DGKB: variants seen among roughly 807,000 people sequenced by gnomAD.
The protein encoded by DGKB is diacylglycerol kinase beta.
DGKB carries 67 observed loss-of-function variants against 114.3 expected under a neutral mutation model. The ratio of observed to expected loss-of-function variants is 0.59; its 90% CI spans 0.48 to 0.72. The LOEUF is 0.72. Ranked by LOEUF, DGKB falls within the 30% of genes least tolerant of loss-of-function variation. DGKB has a pLI of 0.00. For synonymous variants in DGKB, 398 were observed against 323.1 expected, an observed-to-expected ratio of 1.23 and a Z score of -2.49; for missense variants, 907 against 975.2, an observed-to-expected ratio of 0.93 and a Z score of 0.93.
Position 14,478,230 on chromosome 7 carries a change from G to A in DGKB, c.1771-5C>T. The A allele has an allele frequency of 1.3e-6, 2 of 1,572,704 alleles. No individual in the cohort carries two copies. Among genetic ancestry groups the A allele is most frequent in the Non-Finnish European group, 1.7e-6 (2 of 1,155,190 alleles). On this transcript the variant is annotated splice_polypyrimidine_tract_variant and splice_region_variant and intron_variant, in intron 20 of 25. Transcript: ENST00000402815. ...TCTGTGTGCAATGGAGGCATCCTAA[G>A]GGGAGAAAATAGAAAACAAAAACAG...
chr7:14,878,878 T>A (rs149099115), intron 1 of DGKB, among the ~76,000 whole-genome samples: 1,865 of 149,652 alleles, frequency 0.012, 29 homozygotes, highest in Admixed American at 0.018. Context: ...TTGCAAATCT[T>A]GCATATGTTT....
At chr7:14,301,332 C>T (rs1803509354) in intron 23 of DGKB, among the ~76,000 whole-genome samples, 1 of 152,022 alleles carries the variant, frequency 6.6e-6, no homozygotes, top group Non-Finnish European at 1.5e-5. Flanking sequence ...ATTGGTGTCT[C>T]TATCTTTTCT....
intron 2 of DGKB, among the ~76,000 whole-genome samples, chr7:14,769,675 C>G (rs529895517): frequency 1.2e-4 from 19 of 152,130 alleles, no homozygotes; most frequent in Admixed American, 7.9e-4. Context: ...ATTCTGGAGG[C>G]CAGAGGTCTG....
At chr7:14,226,041 T>G (rs940522150) in intron 23 of DGKB, among the ~76,000 whole-genome samples, 2 of 151,990 alleles carry the variant, frequency 1.3e-5, no homozygotes, top group African/African-American at 4.8e-5. Context: ...ATTTGAAATA[T>G]CTGAAGGTCA....
intron 23 of DGKB, among the ~76,000 whole-genome samples, chr7:14,287,040 C>G (rs1395492506): frequency 6.6e-6 from 1 of 152,054 alleles, no homozygotes; most frequent in African/African-American, 2.4e-5. Flanking sequence ...GGGGGAAAAG[C>G]AGGCCCATGT....
chr7:14,551,853 T>A (rs1048717424), intron 20 of DGKB, among the ~76,000 whole-genome samples: 1 of 152,134 alleles, frequency 6.6e-6, no homozygotes, highest in Admixed American at 6.5e-5. Flanking sequence ...AAACACTAAG[T>A]CATATTACTA....
intron 4 of DGKB, among the ~76,000 whole-genome samples, chr7:14,747,439 C>T (rs1004829321): frequency 6.6e-6 from 1 of 151,784 alleles, no homozygotes; most frequent in African/African-American, 2.4e-5. Context: ...CTGGTTAACC[C>T]GTCCCTTTTC....
At chr7:14,415,096 T>A (rs1825501722) in intron 21 of DGKB, among the ~76,000 whole-genome samples, 1 of 151,780 alleles carries the variant, frequency 6.6e-6, no homozygotes, top group Non-Finnish European at 1.5e-5. Flanking sequence ...TATAAGCATA[T>A]GAAATAATGA....
chr7:14,472,381 G>A (rs746958509), intron 21 of DGKB, among the ~76,000 whole-genome samples: 2 of 152,122 alleles, frequency 1.3e-5, no homozygotes, highest in Non-Finnish European at 2.9e-5. Flanking sequence ...CACCATCCAC[G>A]TACAATGTGA....
At chr7:14,965,526 A>C (rs963183243) in intron 1 of DGKB, among the ~76,000 whole-genome samples, 1 of 152,142 alleles carries the variant, frequency 6.6e-6, no homozygotes, top group Non-Finnish European at 1.5e-5. Flanking sequence ...CAAGTTTTAG[A>C]ATATTAAACA....
chr7:14,767,748 A>C (rs1231499911), intron 2 of DGKB, among the ~76,000 whole-genome samples: 2 of 151,956 alleles, frequency 1.3e-5, no homozygotes, highest in African/African-American at 4.8e-5. Flanking sequence ...TATGTGTGTA[A>C]ATCAAAATGT....
At chr7:14,790,337 C>T (rs957454725) in intron 2 of DGKB, among the ~76,000 whole-genome samples, 4 of 152,054 alleles carry the variant, frequency 2.6e-5, no homozygotes, top group Non-Finnish European at 5.9e-5. Context: ...ATTGCACTTT[C>T]AATATCAAGT....
intron 23 of DGKB, among the ~76,000 whole-genome samples, chr7:14,257,775 G>A (rs1420807576): frequency 6.6e-6 from 1 of 152,104 alleles, no homozygotes; most frequent in Non-Finnish European, 1.5e-5. Context: ...TGCCCAGGCT[G>A]GAGTGCAATG....
intron 13 of DGKB, among the ~76,000 whole-genome samples, chr7:14,660,956 G>C (rs1816937705): frequency 6.6e-6 from 1 of 150,426 alleles, no homozygotes; most frequent in African/African-American, 2.4e-5. Flanking sequence ...AATGGGGAAA[G>C]GATTCCCTAT....
chr7:14,594,418 A>C (rs1802206092), intron 17 of DGKB, among the ~76,000 whole-genome samples: 1 of 152,108 alleles, frequency 6.6e-6, no homozygotes, highest in African/African-American at 2.4e-5. Context: ...GAGAATTGAC[A>C]GACAATTCTG....
At chr7:14,814,422 C>T (rs1047732205) in intron 2 of DGKB, among the ~76,000 whole-genome samples, 2 of 152,170 alleles carry the variant, frequency 1.3e-5, no homozygotes, top group African/African-American at 4.8e-5. Context: ...CCTCTCCCTT[C>T]TTGCTGTATG....
intron 13 of DGKB, among the ~76,000 whole-genome samples, chr7:14,667,555 C>A (rs1200158536): frequency 6.6e-6 from 1 of 151,984 alleles, no homozygotes; most frequent in African/African-American, 2.4e-5. Context: ...CATACAATTT[C>A]TTAAAGAGGA....
chr7:14,698,133 C>A lies in DGKB; in HGVS notation c.553G>T (p.Ala185Ser). ...ENIISQMMHV[A>S]EYLEWDVTEL... ...GTGACATCCCACTCAAGGTATTCTG[C>A]AACATGCATCATCTGACTGATGATA... The change falls in exon 8 of 26, where the codon GCA becomes TCA. Residue 185 changes from alanine (A) to serine (S), a missense_variant. By Grantham distance (99) the Ala-to-Ser change is moderately conservative. Transcript: ENST00000402815. The A allele has an allele frequency of 6.5e-7, 1 of 1,537,568 alleles. No individual in the cohort carries two copies. Among genetic ancestry groups the A allele is most frequent in the Non-Finnish European group, 8.7e-7 (1 of 1,146,248 alleles).
intron 16 of DGKB, among the ~76,000 whole-genome samples, chr7:14,610,623 C>G (rs965082192): frequency 6.6e-6 from 1 of 151,930 alleles, no homozygotes; most frequent in Admixed American, 6.6e-5. Flanking sequence ...TGATAAAACT[C>G]TCCAAATTCA....
Sources: allele counts gnomAD v4.1 joint callset (sites outside exome capture counted in the v4.1 genomes callset), GRCh38; gene constraint gnomAD v4.1.1; transcripts MANE v1.5; gene names NCBI Gene and HGNC (gene_info 2026-07-23, HGNC 2026-07-21).